DLGAP2: variants seen among roughly 807,000 people sequenced by gnomAD.
DLGAP2 encodes DLG associated protein 2.
Under a neutral mutation model 100.3 loss-of-function variants are expected in DLGAP2, and 26 were observed. That is an observed-to-expected ratio of 0.26 (90% CI 0.19 to 0.36). The LOEUF (loss-of-function observed/expected upper bound fraction) is 0.36. Ranked by LOEUF, DLGAP2 falls within the 10% of genes least tolerant of loss-of-function variation. The probability of loss-of-function intolerance (pLI) is 1.00; values close to 1 mark genes in which losing one functional copy is unlikely to be tolerated. For synonymous variants in DLGAP2, 886 were observed against 630.1 expected, an observed-to-expected ratio of 1.41 and a Z score of -6.08; for missense variants, 1,858 against 1,453.2, an observed-to-expected ratio of 1.28 and a Z score of -4.53.
At chr8:982,292 C>T (rs945264821) in intron 2 of DLGAP2, among the ~76,000 whole-genome samples, 2 of 152,254 alleles carry the variant, frequency 1.3e-5, no homozygotes, top group African/African-American at 4.8e-5. Context: ...AACCATGCCT[C>T]AGCAGGCACT....
chr8:1,280,414 A>T (rs1232142894), intron 3 of DLGAP2, among the ~76,000 whole-genome samples: 1 of 152,238 alleles, frequency 6.6e-6, no homozygotes, highest in Non-Finnish European at 1.5e-5. Flanking sequence ...CTATTTAATA[A>T]ATATCTACTG....
chr8:1,459,250 C>T (rs35158970), intron 3 of DLGAP2, among the ~76,000 whole-genome samples: 2 of 133,998 alleles, frequency 1.5e-5, no homozygotes, highest in African/African-American at 5.5e-5. Flanking sequence ...ACAGGAGTGA[C>T]AGCCAGCTGG....
At chr8:1,537,980 C>T (rs1801213908) in intron 4 of DLGAP2, among the ~76,000 whole-genome samples, 1 of 152,092 alleles carries the variant, frequency 6.6e-6, no homozygotes, top group South Asian at 2.1e-4. Context: ...GAGGAAGATA[C>T]TGCGGGGGGA....
intron 2 of DLGAP2, among the ~76,000 whole-genome samples, chr8:1,074,789 T>A (rs1475384035): frequency 6.6e-6 from 1 of 152,164 alleles, no homozygotes; most frequent in African/African-American, 2.4e-5. Flanking sequence ...CGTTTAAGAT[T>A]ATATAGACTT....
At chr8:1,295,488 A>T (rs1196699111) in intron 3 of DLGAP2, among the ~76,000 whole-genome samples, 1 of 152,118 alleles carries the variant, frequency 6.6e-6, no homozygotes, top group East Asian at 1.9e-4. Context: ...CGGGAAGCAC[A>T]CTCTCTGTCC....
At chr8:877,162 A>T (rs1274603850) in intron 1 of DLGAP2, among the ~76,000 whole-genome samples, 1 of 151,526 alleles carries the variant, frequency 6.6e-6, no homozygotes, top group Non-Finnish European at 1.5e-5. Context: ...CCTGCCTCTT[A>T]TTGTTTTTTC....
chr8:1,478,409 C>T (rs1364560750), intron 3 of DLGAP2, among the ~76,000 whole-genome samples: 1 of 152,198 alleles, frequency 6.6e-6, no homozygotes, highest in East Asian at 1.9e-4. Context: ...ATGACATTTT[C>T]AGGAGCTCCT....
chr8:1,118,142 C>T (rs768374136), intron 2 of DLGAP2, among the ~76,000 whole-genome samples: 1 of 152,128 alleles, frequency 6.6e-6, no homozygotes, highest in Non-Finnish European at 1.5e-5. Flanking sequence ...GGAAATTAAC[C>T]GCAGTTCAGA....
chr8:749,997 A>G (rs1039581140), intron 1 of DLGAP2, among the ~76,000 whole-genome samples: 1 of 152,134 alleles, frequency 6.6e-6, no homozygotes, highest in African/African-American at 2.4e-5. Flanking sequence ...AGATCTCTCA[A>G]GCAGGACACA....
At chr8:1,357,137 C>T (rs558834856) in intron 3 of DLGAP2, among the ~76,000 whole-genome samples, 14 of 152,206 alleles carry the variant, frequency 9.2e-5, no homozygotes, top group East Asian at 5.8e-4. Context: ...CTGCAGAAGA[C>T]GTGTGCTCTT....
At chr8:1,118,831 C>A (rs1185661961) in intron 2 of DLGAP2, among the ~76,000 whole-genome samples, 1 of 152,170 alleles carries the variant, frequency 6.6e-6, no homozygotes, top group Non-Finnish European at 1.5e-5. Flanking sequence ...TGGAATGATA[C>A]AATTTTTCAA....
intron 3 of DLGAP2, among the ~76,000 whole-genome samples, chr8:1,373,422 A>G (rs1267740981): frequency 1.3e-5 from 2 of 152,160 alleles, no homozygotes; most frequent in African/African-American, 4.8e-5. Flanking sequence ...TTCCTGCCCG[A>G]CAAGGACGGG....
chr8:886,685 G>A (rs1354586624), intron 1 of DLGAP2, among the ~76,000 whole-genome samples: 2 of 152,238 alleles, frequency 1.3e-5, no homozygotes, highest in Admixed American at 6.5e-5. Context: ...GTGGTTTTGA[G>A]TGAGTTTCTT....
chr8:1,614,375 C>G (rs545115203), intron 6 of DLGAP2, among the ~76,000 whole-genome samples: 1 of 152,356 alleles, frequency 6.6e-6, no homozygotes, highest in African/African-American at 2.4e-5. Flanking sequence ...TGGCAGAGAC[C>G]TCACAGTCAG....
At chr8:1,384,553 C>T (rs71497195) in intron 3 of DLGAP2, among the ~76,000 whole-genome samples, 2 of 134,872 alleles carry the variant, frequency 1.5e-5, no homozygotes, top group Admixed American at 7.1e-5. Context: ...GGCCTGTGCC[C>T]GGCCCCTGAG....
chr8:1,444,522 T>G (rs1009695880), intron 3 of DLGAP2, among the ~76,000 whole-genome samples: 1 of 152,148 alleles, frequency 6.6e-6, no homozygotes, highest in Admixed American at 6.5e-5. Context: ...CTTATGGAAT[T>G]TTTTAAGAGA....
rs774074248 is a variant in DLGAP2 at position 1,561,096 on chromosome 8, T to C, written c.1231-4587T>C. On this transcript the variant is annotated intron_variant, in intron 5 of 14. Transcript: ENST00000637795. ...TTTTCATGATGGTGACTAAGTCTTATGAGATCTGATGGTTTTTTAAAAGGG... is the reference window on the plus strand; with the variant it reads ...TTTTCATGATGGTGACTAAGTCTTACGAGATCTGATGGTTTTTTAAAAGGG... Among the ~76,000 whole-genome samples the C allele has an allele frequency of 1.0e-3, 153 of 152,140 alleles. 1 individual carries two copies. The highest frequency in any genetic ancestry group is 1.6e-3 in the Non-Finnish European group (111 of 68,024).
chr8:1,491,395 C>CCCCGGAGG (rs1563180331), intron 3 of DLGAP2, among the ~76,000 whole-genome samples: 63 of 39,744 alleles, frequency 1.6e-3, no homozygotes, highest in African/African-American at 2.8e-3. Context: ...CTCCCCCTGA[C>CCCCGGAGG]CTCGGAGGCT....
Position 1,537,186 on chromosome 8 carries a change from T to G in DLGAP2, c.173-11440T>G, listed in dbSNP as rs1374767305. On this transcript the variant is annotated intron_variant, in intron 4 of 14. Coordinates refer to ENST00000637795, the MANE Select transcript of DLGAP2 (RefSeq NM_001346810.2). ...GGTTCTCCTGGAGCTTACGACCTAA[T>G]GGGTGTGCATGCATGCATATGTGTG... is the stretch of plus-strand genomic sequence containing the variant. Among the ~76,000 whole-genome samples the G allele has an allele frequency of 3.9e-5, 6 of 152,098 alleles. No individual in the cohort carries two copies. The East Asian group carries it at 9.6e-4, about 24-fold the overall frequency.
Sources: gnomAD v4.1 joint callset for allele counts (sites outside exome capture counted in the v4.1 genomes callset) on GRCh38, gnomAD v4.1.1 for gene constraint, MANE v1.5 for transcripts, NCBI Gene and HGNC (gene_info 2026-07-23, HGNC 2026-07-21) for gene names.